The following GLYR1 variants were observed in gnomAD, a reference collection of about 807,000 sequenced individuals.
GLYR1 encodes the protein glyoxylate reductase 1 homolog, also known as cytokine-like nuclear factor N-PAC.
In GLYR1, 21 loss-of-function variants were observed where a neutral mutation model predicts 72.7. The ratio of observed to expected loss-of-function variants is 0.29; its 90% CI spans 0.20 to 0.42. The LOEUF is 0.42. GLYR1 is among the 10% of genes least tolerant of loss of function. GLYR1 has a pLI of 1.00. For synonymous variants in GLYR1, 392 were observed against 270.2 expected (o/e 1.45, Z -4.42); for missense variants, 594 against 712.1 (o/e 0.83, Z 1.89).
chr16:4,817,622 A>T lies in GLYR1; in HGVS notation c.882T>A (p.Thr294=). The T allele has an allele frequency of 1.9e-6, 3 of 1,612,452 alleles. No individual in the cohort carries two copies. Among genetic ancestry groups the T allele is most frequent in the Non-Finnish European group, 2.5e-6 (3 of 1,178,470 alleles). ...SNLLKMGHTV[T]VWNRTAEKCD... ...CTTTCTCTGCAGTGCGGTTCCAGAC[A>T]GTCACTGTGTGACCCATTTTTAGCA... Residue 294 remains threonine (T), a synonymous_variant, in exon 10 of 16, where the codon ACT becomes ACA. Coordinates refer to ENST00000321919, the MANE Select transcript of GLYR1 (RefSeq NM_032569.4).
chr16:4,811,888 C>T (rs981967404), intron 13 of GLYR1, 86 bp from the exon 14 acceptor site: 3 of 1,491,580 alleles, frequency 2.0e-6, no homozygotes, highest in Admixed American at 2.1e-5. Flanking sequence ...CTCAGACCCA[C>T]CTCTCTCCAG....
chr16:4,822,804 C>T (rs532189829), intron 7 of GLYR1, 71 bp downstream of exon 7: 11 of 1,316,116 alleles, frequency 8.4e-6, no homozygotes, highest in Non-Finnish European at 1.1e-5. Flanking sequence ...GATGGCCAGG[C>T]CAGGACCCAG....
intron 5 of GLYR1, among the ~76,000 whole-genome samples, chr16:4,825,002 T>G (rs1047788423): frequency 4.6e-5 from 7 of 152,160 alleles, no homozygotes; most frequent in Non-Finnish European, 7.3e-5. Context: ...GGCTTTACAG[T>G]TGGCGATCTG....
intron 4 of GLYR1, 136 bp from the exon 5 acceptor site, chr16:4,832,357 T>C: frequency 3.7e-6 from 4 of 1,087,876 alleles, no homozygotes; most frequent in Non-Finnish European, 3.9e-6. Context: ...TAGATTCTGC[T>C]GTCGTCCCAG....
At chr16:4,810,388 C>T (rs1028800001) in intron 15 of GLYR1, among the ~76,000 whole-genome samples, 4 of 151,542 alleles carry the variant, frequency 2.6e-5, no homozygotes, top group Admixed American at 6.6e-5. Flanking sequence ...TCCCAGGCTA[C>T]TTGGGAGGCT....
intron 10 of GLYR1, among the ~76,000 whole-genome samples, chr16:4,815,048 T>C (rs2083552249): frequency 1.3e-5 from 2 of 152,166 alleles, no homozygotes; most frequent in Admixed American, 1.3e-4. Flanking sequence ...TTTTGGGTTG[T>C]TTCTCAACAC....
At chr16:4,837,042 C>T (rs541760148) in intron 3 of GLYR1, among the ~76,000 whole-genome samples, 82 of 152,260 alleles carry the variant, frequency 5.4e-4, no homozygotes, top group Non-Finnish European at 9.4e-4. Context: ...AATACAGAAC[C>T]GCCACTAAGG....
chr16:4,804,053 G>A lies in GLYR1; in HGVS notation c.*1183C>T, dbSNP rs2141922174. 1 of 152,404 alleles carries A rather than the reference G, an allele frequency of 6.6e-6. No homozygotes were observed. The highest frequency in any genetic ancestry group is 2.1e-4 in the South Asian group (1 of 4,822). The allele number at this position is 152,404 out of a possible 1,614,324, so 9.4% of individuals were successfully genotyped here. On this transcript the variant is annotated 3_prime_UTR_variant, in exon 16 of 16. Transcript: ENST00000321919. The stretch of plus-strand genomic sequence containing the variant: ...CCCTCCCGACAGACCCCGGGCCCGG[G>A]AAGCACCGAAGACCATGATGCTGGC...
intron 15 of GLYR1, among the ~76,000 whole-genome samples, chr16:4,806,131 A>ATCTGG (rs1341129246): frequency 1.3e-5 from 2 of 152,192 alleles, no homozygotes; most frequent in African/African-American, 4.8e-5. Context: ...ATCTGGTAAT[A>ATCTGG]TCTGGAGACA....
At chr16:4,806,841 G>A (rs8052347) in intron 15 of GLYR1, among the ~76,000 whole-genome samples, 38,332 of 147,688 alleles carry the variant, frequency 0.26, 5,784 homozygotes, top group African/African-American at 0.42. Flanking sequence ...TTGCTCTGTC[G>A]CCCAGACTGG....
Position 4,812,199 on chromosome 16 carries a change from T to C in GLYR1, c.1169A>G (p.Asn390Ser). The change falls in exon 13 of 16, where the codon AAT (asparagine) becomes AGT (serine). Residue 390 changes from asparagine to serine, a missense_variant. Transcript: ENST00000321919. ...GRFLEAPVSG[N>S]QQLSNDGMLV... ...CATCCCGTCATTAGACAGCTGCTGA[T>C]TCCCTGAGACGGGGGCTTCCAGAAA... 1.9e-6 allele frequency: 3 copies of C among 1,614,136 alleles called. No homozygotes were observed. Among genetic ancestry groups the C allele is most frequent in the East Asian group, 4.5e-5 (2 of 44,884 alleles).
At chr16:4,846,441 T>C (rs149983846) in intron 1 of GLYR1, among the ~76,000 whole-genome samples, 73 of 152,362 alleles carry the variant, frequency 4.8e-4, no homozygotes, top group African/African-American at 1.7e-3. Flanking sequence ...ACAACACAAC[T>C]GTCAAAAGTC....
chr16:4,827,982 G>C (rs1413660453), intron 5 of GLYR1, among the ~76,000 whole-genome samples: 1 of 151,926 alleles, frequency 6.6e-6, no homozygotes, highest in African/African-American at 2.4e-5. Context: ...ATCTATGGGG[G>C]ACATTTTCCC....
chr16:4,812,545 T>C (rs1596313640), intron 12 of GLYR1, among the ~76,000 whole-genome samples: 1 of 150,642 alleles, frequency 6.6e-6, no homozygotes, highest in East Asian at 2.0e-4. Flanking sequence ...CAGGCTGGAG[T>C]GCAGTGGAGC....
At chr16:4,843,383 G>C (rs2085706148) in intron 3 of GLYR1, 10 of 855,780 alleles carry the variant, frequency 1.2e-5, no homozygotes, top group African/African-American at 1.8e-5. Flanking sequence ...TCGAACTCAT[G>C]ACCTCCAGTG....
chr16:4,818,002 CTTTT>C, intron 9 of GLYR1: 9 of 219,512 alleles, frequency 4.1e-5, no homozygotes, highest in Middle Eastern at 1.7e-3. Context: ...CCTTGCTGCC[CTTTT>C]TTTTTTTTTT....
chr16:4,822,632 A>T (rs1596342948), intron 7 of GLYR1, among the ~76,000 whole-genome samples: 2 of 152,072 alleles, frequency 1.3e-5, no homozygotes, highest in African/African-American at 4.8e-5. Context: ...CTCATGATCC[A>T]CCTGCCTCAG....
chr16:4,808,571 T>G (rs1017210335), intron 15 of GLYR1, among the ~76,000 whole-genome samples: 10 of 151,908 alleles, frequency 6.6e-5, no homozygotes, highest in African/African-American at 2.4e-4. Context: ...GCACTCCAGC[T>G]TGGGCAACAA....
chr16:4,815,328 T>C (rs1040449885), intron 10 of GLYR1, among the ~76,000 whole-genome samples: 5 of 152,094 alleles, frequency 3.3e-5, no homozygotes, highest in Admixed American at 6.6e-5. Flanking sequence ...ATGGGCCTAC[T>C]ATTTTCTATC....
Sources: allele counts gnomAD v4.1 joint callset (sites outside exome capture counted in the v4.1 genomes callset), GRCh38; gene constraint gnomAD v4.1.1; transcripts MANE v1.5; gene names NCBI Gene and HGNC (gene_info 2026-07-23, HGNC 2026-07-21).